IZUMO2: variants seen among roughly 807,000 people sequenced by gnomAD.
IZUMO2 encodes the protein izumo sperm-egg fusion protein 2.
In IZUMO2, 24 loss-of-function variants were observed where a neutral mutation model predicts 31.2. That is an observed-to-expected ratio of 0.77 (90% CI 0.56 to 1.08). IZUMO2 has a LOEUF of 1.08. IZUMO2 is among the 50% of genes least tolerant of loss of function. The pLI is 0.00. For missense variants in IZUMO2, 278 were observed against 274.0 expected (o/e 1.01, Z -0.10); for synonymous variants, 144 against 117.3 (o/e 1.23, Z -1.47).
chr19:50,161,388 C>G (rs927003429), intron 2 of IZUMO2, among the ~76,000 whole-genome samples: 1 of 152,136 alleles, frequency 6.6e-6, no homozygotes, highest in African/African-American at 2.4e-5. Context: ...TCCCAAAGTG[C>G]TGGGATTACA....
chr19:50,154,790 C>T (rs955768313), intron 5 of IZUMO2, 64 bp from the exon 6 acceptor site: 121 of 1,579,954 alleles, frequency 7.7e-5, no homozygotes, highest in Non-Finnish European at 1.0e-4. Flanking sequence ...CCCATACCCA[C>T]CCCACCTGTT....
At chr19:50,162,875 C>CGG in intron 1 of IZUMO2, 62 bp from the exon 2 acceptor site, 1 of 1,602,440 alleles carries the variant, frequency 6.2e-7, no homozygotes. Context: ...GACCTCACCC[C>CGG]CTCCAGGCCT....
Position 50,163,061 on chromosome 19 carries a change from T to C in IZUMO2, c.134A>G (p.Gln45Arg), listed in dbSNP as rs371774253. ...LRSALIPSRF[Q>R]LEQLQARAGA... The stretch of plus-strand genomic sequence containing the variant: ...GGCGCGCGCCTGCAGCTGCTCCAAC[T>C]GGAAGCGACTGGGGATGAGGGCGGA... Residue 45 changes from glutamine (Q) to arginine (R), a missense_variant, in exon 1 of 7, where the codon CAG becomes CGG. Coordinates refer to ENST00000293405, the MANE Select transcript of IZUMO2 (RefSeq NM_152358.3). 1.2e-6 allele frequency: 2 copies of C among 1,605,518 alleles called. No individual in the cohort carries two copies. Among genetic ancestry groups the C allele is most frequent in the East Asian group, 2.3e-5 (1 of 44,354 alleles).
rs974267277 is a variant in IZUMO2 at position 50,154,825 on chromosome 19, G to C, written c.497-99C>G. 4.1e-5 allele frequency: 57 copies of C among 1,391,460 alleles called. 1 individual carries two copies. The highest frequency in any genetic ancestry group is 5.3e-5 in the Non-Finnish European group (54 of 1,018,674). The allele number at this position is 1,391,460 out of a possible 1,614,324, so 86.2% of individuals were successfully genotyped here. On this transcript the variant is annotated intron_variant, in intron 5 of 6. Transcript: ENST00000293405. ...TCATTCAGCAGCCTGGGGCAGGGGT[G>C]GGGGTGGGGCGCTCTCTCTTCTTCT...
intron 5 of IZUMO2, among the ~76,000 whole-genome samples, chr19:50,156,206 T>C (rs1046981362): frequency 2.0e-5 from 3 of 152,148 alleles, no homozygotes; most frequent in African/African-American, 7.2e-5. Flanking sequence ...ATTTTGTCAC[T>C]CAAGGGACAT....
At chr19:50,159,276 G>A in intron 3 of IZUMO2, 26 bp from the exon 4 acceptor site, 1 of 1,608,848 alleles carries the variant, frequency 6.2e-7, no homozygotes, top group African/African-American at 1.3e-5. Flanking sequence ...GCTGAGGTGA[G>A]TTAAATTGGG....
intron 5 of IZUMO2, among the ~76,000 whole-genome samples, 198 bp from the exon 6 acceptor site, chr19:50,154,924 G>A (rs1234545926): frequency 1.3e-5 from 2 of 152,142 alleles, no homozygotes. Context: ...TCTGTCTCAG[G>A]CGCCATTGTA....
At chr19:50,159,451 A>G in intron 3 of IZUMO2, 43 bp downstream of exon 3, 1 of 1,432,990 alleles carries the variant, frequency 7.0e-7, no homozygotes, top group Non-Finnish European at 9.8e-7. Flanking sequence ...TCAAGAGGTC[A>G]AGGGAGAAGA....
At chr19:50,161,894 C>A (rs2030411339) in intron 2 of IZUMO2, among the ~76,000 whole-genome samples, 2 of 152,206 alleles carry the variant, frequency 1.3e-5, no homozygotes, top group Admixed American at 1.3e-4. Context: ...TTGTCCCAAT[C>A]CTGCACATCC....
At chr19:50,161,270 G>A (rs1478367303) in intron 2 of IZUMO2, among the ~76,000 whole-genome samples, 3 of 151,890 alleles carry the variant, frequency 2.0e-5, no homozygotes, top group East Asian at 3.9e-4. Context: ...GATTACAGGA[G>A]TGCCACCATA....
Position 50,154,695 on chromosome 19 carries a change from G to A in IZUMO2, c.528C>T (p.Tyr176=). The A allele has an allele frequency of 1.9e-6, 3 of 1,614,000 alleles. No homozygotes were observed. Among genetic ancestry groups the A allele is most frequent in the Non-Finnish European group, 2.5e-6 (3 of 1,179,962 alleles). Residue 176 remains tyrosine (Y), a synonymous_variant, in exon 6 of 7, where the codon TAC becomes TAT. Transcript: ENST00000293405. ...TCCTCGGGTATTTGCTGTCCATCTG[G>A]TACTGCAGGGCCACGCGGGGTTGCC... ...VDRQPRVALQ[Y]QMDSKYPRNQ...
intron 5 of IZUMO2, among the ~76,000 whole-genome samples, chr19:50,156,250 A>G (rs2030208820): frequency 6.6e-6 from 1 of 152,132 alleles, no homozygotes; most frequent in Non-Finnish European, 1.5e-5. Flanking sequence ...TGATTGTCAT[A>G]ATGGGGAGGG....
At chr19:50,157,950 G>C (rs1297457124) in intron 5 of IZUMO2, among the ~76,000 whole-genome samples, 1 of 150,568 alleles carries the variant, frequency 6.6e-6, no homozygotes, top group Non-Finnish European at 1.5e-5. Flanking sequence ...TTAGATTTAT[G>C]AATGAATGAA....
chr19:50,155,296 G>T (rs2030175691), intron 5 of IZUMO2, among the ~76,000 whole-genome samples: 1 of 152,172 alleles, frequency 6.6e-6, no homozygotes, highest in African/African-American at 2.4e-5. Flanking sequence ...AACTCAGGAG[G>T]CTGAGGTGGG....
chr19:50,156,172 C>A (rs1450783358), intron 5 of IZUMO2, among the ~76,000 whole-genome samples: 1 of 152,168 alleles, frequency 6.6e-6, no homozygotes, highest in African/African-American at 2.4e-5. Context: ...TACCATCTAA[C>A]CCAGTGGTTC....
chr19:50,155,220 G>A (rs2030173509), intron 5 of IZUMO2, among the ~76,000 whole-genome samples: 1 of 152,112 alleles, frequency 6.6e-6, no homozygotes, highest in Non-Finnish European at 1.5e-5. Context: ...CATGGGCTGT[G>A]AGATCCTATC....
intron 6 of IZUMO2, among the ~76,000 whole-genome samples, chr19:50,152,860 G>A (rs1425427230): frequency 6.6e-6 from 1 of 152,060 alleles, no homozygotes; most frequent in African/African-American, 2.4e-5. Context: ...TGGGACCAGG[G>A]GTGATGGTCA....
chr19:50,163,069 A>T lies in IZUMO2; in HGVS notation c.126T>A (p.Ser42Arg). Reference sequence around the variant, plus strand: ...CCTGCAGCTGCTCCAACTGGAAGCGACTGGGGATGAGGGCGGAGCGCAGGT... The same window carrying T: ...CCTGCAGCTGCTCCAACTGGAAGCGTCTGGGGATGAGGGCGGAGCGCAGGT... ...LGHLRSALIP[S>R]RFQLEQLQAR... The change falls in exon 1 of 7, where the codon AGT becomes AGA. Residue 42 changes from serine (S) to arginine (R), a missense_variant. By Grantham distance (110) the Ser-to-Arg change is moderately radical. Coordinates refer to ENST00000293405, the MANE Select transcript of IZUMO2 (RefSeq NM_152358.3). 1 of 1,613,406 alleles carries T rather than the reference A, an allele frequency of 6.2e-7. No homozygotes were observed. The highest frequency in any genetic ancestry group is 8.5e-7 in the Non-Finnish European group (1 of 1,179,546).
intron 6 of IZUMO2, 81 bp from the exon 7 acceptor site, chr19:50,152,732 C>T: frequency 8.4e-7 from 1 of 1,189,650 alleles, no homozygotes; most frequent in Non-Finnish European, 1.3e-6. Flanking sequence ...CTTCCCTCCC[C>T]ATAACTTTCC....
Sources: allele counts gnomAD v4.1 joint callset (sites outside exome capture counted in the v4.1 genomes callset), GRCh38; gene constraint gnomAD v4.1.1; transcripts MANE v1.5; gene names NCBI Gene and HGNC (gene_info 2026-07-23, HGNC 2026-07-21).